The following CYP19A1 variants were observed in gnomAD, a reference collection of about 807,000 sequenced individuals.
The protein encoded by CYP19A1 is cytochrome P450 family 19 subfamily A member 1.
Under a neutral mutation model 44.4 loss-of-function variants are expected in CYP19A1, and 32 were observed. That is an observed-to-expected ratio of 0.72 (90% CI 0.54 to 0.97). The LOEUF is 0.97. Ranked by LOEUF, CYP19A1 falls within the 50% of genes least tolerant of loss-of-function variation. The pLI, the probability that CYP19A1 is intolerant of heterozygous loss-of-function variation, is 0.00. For synonymous variants in CYP19A1, 212 were observed against 215.6 expected, an observed-to-expected ratio of 0.98 and a Z score of 0.14; for missense variants, 598 against 637.8, an observed-to-expected ratio of 0.94 and a Z score of 0.67.
At chr15:51,221,194 G>A (rs576070952) in intron 5 of CYP19A1, among the ~76,000 whole-genome samples, 5 of 152,198 alleles carry the variant, frequency 3.3e-5, no homozygotes, top group African/African-American at 9.6e-5. Context: ...GGCATAATAA[G>A]CATTATGTCA....
At position 51,236,980 on chromosome 15, in the gene CYP19A1, G is replaced by A; in HGVS notation, c.175C>T (p.Leu59Phe). The A allele has an allele frequency of 6.2e-7, 1 of 1,614,136 alleles. No homozygotes were observed. The highest frequency in any genetic ancestry group is 8.5e-7 in the Non-Finnish European group (1 of 1,180,018). The change falls in exon 3 of 10, where the codon CTC becomes TTC. Residue 59 changes from leucine to phenylalanine, a missense_variant. Transcript: ENST00000396402. ...CACAGGAATCTGCCGTGGGAGATGA[G>A]GGGTCCAATTCCCATGCAGTAGCCA... is the stretch of plus-strand genomic sequence containing the variant. ...GPGYCMGIGP[L>F]ISHGRFLWMG...
chr15:51,230,225 A>G (rs932709604), intron 3 of CYP19A1, among the ~76,000 whole-genome samples: 1 of 152,258 alleles, frequency 6.6e-6, no homozygotes, highest in African/African-American at 2.4e-5. Flanking sequence ...ACCCCAGCCC[A>G]GAGCTCCTCC....
chr15:51,277,930 T>C (rs1216673040), intron 1 of CYP19A1: 1 of 151,902 alleles, frequency 6.6e-6, no homozygotes, highest in Admixed American at 6.6e-5. Flanking sequence ...TCAAAGAATT[T>C]TGTTCTCTTC....
chr15:51,328,095 TCAAA>T (rs1299460648), intron 1 of CYP19A1, among the ~76,000 whole-genome samples: 6 of 152,220 alleles, frequency 3.9e-5, no homozygotes, highest in African/African-American at 1.4e-4. Context: ...TTAGTATGGC[TCAAA>T]CACTGTGATT....
chr15:51,300,624 C>A (rs767893287), intron 1 of CYP19A1, among the ~76,000 whole-genome samples: 14 of 152,212 alleles, frequency 9.2e-5, no homozygotes, highest in Non-Finnish European at 1.6e-4. Context: ...CCTGTGCCAG[C>A]AGCCTGAATG....
At chr15:51,225,158 C>T (rs1232091397) in intron 4 of CYP19A1, among the ~76,000 whole-genome samples, 2 of 152,148 alleles carry the variant, frequency 1.3e-5, no homozygotes, top group Non-Finnish European at 2.9e-5. Flanking sequence ...AACCTCTCTC[C>T]CCCATTATAA....
At chr15:51,323,720 A>G (rs1368567873) in intron 1 of CYP19A1, 1 of 152,230 alleles carries the variant, frequency 6.6e-6, no homozygotes, top group East Asian at 1.9e-4. Flanking sequence ...CTCAGCCCTG[A>G]CACTCAGAGC....
chr15:51,280,257 G>A (rs574371412), intron 1 of CYP19A1, among the ~76,000 whole-genome samples: 6 of 151,556 alleles, frequency 4.0e-5, no homozygotes, highest in South Asian at 2.1e-4. Flanking sequence ...CACCATGCCC[G>A]GCTAATTTTT....
intron 1 of CYP19A1, among the ~76,000 whole-genome samples, chr15:51,314,475 G>A (rs975186585): frequency 5.3e-5 from 8 of 152,150 alleles, no homozygotes; most frequent in Admixed American, 4.6e-4. Flanking sequence ...GCCATTCTGG[G>A]AGAGTGATGA....
chr15:51,253,313 C>T (rs984047212), intron 1 of CYP19A1, among the ~76,000 whole-genome samples: 1 of 152,184 alleles, frequency 6.6e-6, no homozygotes, highest in African/African-American at 2.4e-5. Context: ...TGGACAGTCC[C>T]TGGGGTAGCT....
At chr15:51,259,282 A>G (rs2034628517) in intron 1 of CYP19A1, among the ~76,000 whole-genome samples, 1 of 152,238 alleles carries the variant, frequency 6.6e-6, no homozygotes, top group South Asian at 2.1e-4. Flanking sequence ...TCCGTTACAC[A>G]CAGTGATCAG....
chr15:51,238,190 C>A (rs1405407544), intron 2 of CYP19A1, among the ~76,000 whole-genome samples: 1 of 152,100 alleles, frequency 6.6e-6, no homozygotes, highest in Non-Finnish European at 1.5e-5. Context: ...AAAATATGGT[C>A]TAAGGTTATT....
At chr15:51,319,496 G>A (rs1289043272) in intron 1 of CYP19A1, among the ~76,000 whole-genome samples, 1 of 152,156 alleles carries the variant, frequency 6.6e-6, no homozygotes, top group Non-Finnish European at 1.5e-5. Flanking sequence ...TCTGACCAGA[G>A]CCTGTCACTG....
chr15:51,338,264 A>G (rs2036809157), intron 1 of CYP19A1, among the ~76,000 whole-genome samples: 1 of 152,196 alleles, frequency 6.6e-6, no homozygotes, highest in Admixed American at 6.5e-5. Context: ...TATAGTTCTT[A>G]GGCCCTCCTA....
rs2035519055 is a variant in CYP19A1 at position 51,281,582 on chromosome 15, G to A, written c.-38-38632C>T. On this transcript the variant is annotated intron_variant, in intron 1 of 9. Coordinates refer to ENST00000396402, the MANE Select transcript of CYP19A1 (RefSeq NM_000103.4). ...CAGCAAAGCACAACCGCCTTCTTCA[G>A]CTGAGCCCTAGGGCAGCCTTGGGAG... 3.9e-5 allele frequency among the ~76,000 whole-genome samples: 6 copies of A among 152,206 alleles called. No homozygotes were observed. The South Asian group carries it at 1.0e-3, about 26-fold the overall frequency.
chr15:51,263,684 G>A (rs920369669), intron 1 of CYP19A1, among the ~76,000 whole-genome samples: 3 of 152,192 alleles, frequency 2.0e-5, no homozygotes, highest in Admixed American at 1.3e-4. Context: ...CTTTGCTGGA[G>A]GCAGTGATGA....
chr15:51,283,507 G>A (rs2035598316), intron 1 of CYP19A1, among the ~76,000 whole-genome samples: 1 of 152,182 alleles, frequency 6.6e-6, no homozygotes, highest in Non-Finnish European at 1.5e-5. Flanking sequence ...TAAGGCTTGC[G>A]ATGGCATTGG....
At chr15:51,298,162 G>A (rs767272514) in intron 1 of CYP19A1, among the ~76,000 whole-genome samples, 12 of 152,112 alleles carry the variant, frequency 7.9e-5, no homozygotes, top group East Asian at 5.8e-4. Context: ...CTGGAATGCC[G>A]CCACTGTTCA....
In CYP19A1 at chr15:51,242,944, T is replaced by G; in HGVS notation, c.-32A>C. ...TTCCTTGACCTCAGAGGGGGCAATT[T>G]AGAGTCCTGTGGAAATCAAAGGGAC... On this transcript the variant is annotated 5_prime_UTR_variant, in exon 2 of 10. Transcript: ENST00000396402. The G allele has an allele frequency of 6.5e-7, 1 of 1,542,308 alleles. No homozygotes were observed.
Sources: gnomAD v4.1 joint callset for allele counts (sites outside exome capture counted in the v4.1 genomes callset) on GRCh38, gnomAD v4.1.1 for gene constraint, MANE v1.5 for transcripts, NCBI Gene and HGNC (gene_info 2026-07-23, HGNC 2026-07-21) for gene names.